IST1: variants seen among roughly 807,000 people sequenced by gnomAD.
IST1 encodes IST1 factor associated with ESCRT-III.
In IST1, 23 loss-of-function variants were observed where a neutral mutation model predicts 37.0. The ratio of observed to expected loss-of-function variants is 0.62; its 90% CI spans 0.45 to 0.88. IST1 has a LOEUF of 0.88. IST1 is among the 40% of genes least tolerant of loss of function. The pLI, the probability that IST1 is intolerant of heterozygous loss-of-function variation, is 0.00. For missense variants in IST1, 488 were observed against 445.4 expected (o/e 1.10, Z -0.86); for synonymous variants, 180 against 161.7 (o/e 1.11, Z -0.86).
intron 6 of IST1, chr16:71,921,774 C>T (rs956184306): frequency 1.5e-5 from 4 of 268,240 alleles, no homozygotes; most frequent in Non-Finnish European, 2.9e-5. Context: ...GTTCCCGAAA[C>T]ATTTATTGGG....
At chr16:71,924,510 G>C (rs2037689873) in intron 8 of IST1, 1 of 562,884 alleles carries the variant, frequency 1.8e-6, no homozygotes, top group African/African-American at 1.9e-5. Flanking sequence ...GCAATGGCTG[G>C]AGGCCAGGAA....
intron 1 of IST1, among the ~76,000 whole-genome samples, chr16:71,900,489 C>G (rs1336422458): frequency 3.3e-5 from 5 of 151,972 alleles, no homozygotes; most frequent in South Asian, 2.1e-4. Flanking sequence ...CATGGTTTTA[C>G]TTTGCTTATT....
intron 1 of IST1, among the ~76,000 whole-genome samples, chr16:71,896,545 A>G (rs2036975994): frequency 6.6e-6 from 1 of 152,162 alleles, no homozygotes; most frequent in South Asian, 2.1e-4. Context: ...CTAATTTAAT[A>G]ATAGTTGAAA....
chr16:71,916,826 C>G (rs1250405843), intron 3 of IST1, among the ~76,000 whole-genome samples, 184 bp downstream of exon 3: 2 of 152,166 alleles, frequency 1.3e-5, no homozygotes, highest in Admixed American at 6.5e-5. Context: ...TGAATCTTGG[C>G]TCGACCATTT....
At chr16:71,926,146 G>T (rs1334344886) in intron 9 of IST1, among the ~76,000 whole-genome samples, 2 of 151,810 alleles carry the variant, frequency 1.3e-5, no homozygotes, top group Non-Finnish European at 2.9e-5. Flanking sequence ...GCTGGGTGTG[G>T]TGGCAGGCGC....
rs2143033959 is a variant in IST1, at chr16:71,929,489, TAAG to T, written c.*1677_*1679del. 2.0e-6 allele frequency: 3 copies of T among 1,471,320 alleles called. No homozygotes were observed. Among genetic ancestry groups the T allele is most frequent in the East Asian group, 2.5e-5 (1 of 40,036 alleles). 91.1% of individuals were successfully genotyped at this position (1,471,320 alleles called of 1,614,324 possible). On this transcript the variant is annotated 3_prime_UTR_variant, in exon 10 of 10. Transcript: ENST00000378799. ...ATTTTAAAGCTATGCCATGCAAAGATAAGTAGTAATACGCTAATAAATACTAAG... is the reference window on the plus strand; with the variant it reads ...ATTTTAAAGCTATGCCATGCAAAGATTAGTAATACGCTAATAAATACTAAG...
chr16:71,924,162 G>T lies in IST1; in HGVS notation c.853-607G>T, dbSNP rs28542993. 6 of 455,906 alleles carry T rather than the reference G, an allele frequency of 1.3e-5. 1 individual carries two copies. The highest frequency in any genetic ancestry group is 2.6e-5 in the Non-Finnish European group (6 of 226,806). The allele number at this position is 455,906 out of a possible 1,614,324, so 28.2% of individuals were successfully genotyped here. ...TGCATGCGTCACATAACCCACAGCC[G>T]TTGGTAGGAATGAGGTCGAAAATCT... is the stretch of plus-strand genomic sequence containing the variant. On this transcript the variant is annotated intron_variant, in intron 8 of 9. Transcript: ENST00000378799.
At position 71,920,742 on chromosome 16, in the gene IST1, G is replaced by A. The variant is rs1426484203; in HGVS notation, c.361G>A (p.Ala121Thr). ...TTGCTGTCCTTTTTCTTTTTAGGTT[G>A]CTGATCAGCTCTGTGCCAAGTATAG... Reference protein sequence around the residue: ...QSEVAELKIVADQLCAKYSKE... With the variant: ...QSEVAELKIVTDQLCAKYSKE... The change falls in exon 5 of 10, where the codon GCT becomes ACT. Residue 121 changes from alanine to threonine, a missense_variant. Ala to Thr is a moderately conservative substitution (Grantham distance 58). Around this residue, in one of 2 missense-constraint regions of IST1, gnomAD observed 455 missense variants for 386.2 expected, o/e 1.18. Transcript: ENST00000378799. 6.2e-7 allele frequency: 1 copy of A among 1,612,588 alleles called. No homozygotes were observed. The highest frequency in any genetic ancestry group is 1.7e-5 in the Admixed American group (1 of 59,936).
intron 2 of IST1, among the ~76,000 whole-genome samples, 171 bp from the exon 3 acceptor site, chr16:71,916,291 C>T (rs1026088149): frequency 1.3e-5 from 2 of 152,170 alleles, no homozygotes; most frequent in African/African-American, 4.8e-5. Context: ...TATTTTCTCA[C>T]CTAGACAGAG....
rs985742543 is a variant in IST1 at position 71,930,339 on chromosome 16, T to G, written c.*2526T>G. On this transcript the variant is annotated 3_prime_UTR_variant, in exon 10 of 10. Transcript: ENST00000378799. ...AAAAGATAATAAGAAGGAAAATACT[T>G]TTAAATGGACAGAAGAGCAGGAATG... The G allele has an allele frequency of 2.9e-6, 2 of 681,996 alleles. No individual in the cohort carries two copies. Among genetic ancestry groups the G allele is most frequent in the African/African-American group, 3.6e-5 (2 of 55,268 alleles). The allele number at this position is 681,996 out of a possible 1,614,324, so 42.2% of individuals were successfully genotyped here.
At chr16:71,921,294 A>G in intron 5 of IST1, 49 bp from the exon 6 acceptor site, 1 of 1,091,614 alleles carries the variant, frequency 9.2e-7, no homozygotes, top group Non-Finnish European at 1.4e-6. Context: ...GGTGAGGATT[A>G]GGCTGGTTGG....
At chr16:71,918,832 G>T (rs992642550) in intron 4 of IST1, among the ~76,000 whole-genome samples, 1 of 152,180 alleles carries the variant, frequency 6.6e-6, no homozygotes, top group African/African-American at 2.4e-5. Context: ...AAATCTCTGT[G>T]TAGTATAAAC....
At chr16:71,926,981 A>G (rs1223714393) in intron 9 of IST1, among the ~76,000 whole-genome samples, 3 of 152,168 alleles carry the variant, frequency 2.0e-5, no homozygotes, top group African/African-American at 7.2e-5. Flanking sequence ...TTAAGGAAGC[A>G]GTGTTTGTTC....
At chr16:71,910,816 G>A (rs896100935) in intron 1 of IST1, among the ~76,000 whole-genome samples, 1 of 150,860 alleles carries the variant, frequency 6.6e-6, no homozygotes, top group African/African-American at 2.5e-5. Flanking sequence ...CATCAATTTG[G>A]AGTATAAAAG....
At chr16:71,911,108 G>T (rs1342391901) in intron 1 of IST1, among the ~76,000 whole-genome samples, 1 of 152,120 alleles carries the variant, frequency 6.6e-6, no homozygotes, top group East Asian at 1.9e-4. Flanking sequence ...AGGCGTGGTG[G>T]TGTGTGCCTA....
rs1040282907 is a variant in IST1 at position 71,920,952 on chromosome 16, G to A, written c.441+130G>A. 44 of 744,186 alleles carry A rather than the reference G, an allele frequency of 5.9e-5. No homozygotes were observed. In the African/African-American group the frequency reaches 7.2e-4, roughly 12 times the overall value. 46.1% of individuals were successfully genotyped at this position (744,186 alleles called of 1,614,324 possible). On this transcript the variant is annotated intron_variant, in intron 5 of 9. Transcript: ENST00000378799. ...TCACCTTTCATAGTGGGGTGAGGAGGACAGCTGTGTGGCTGGCAGTGTGGT... is the reference window on the plus strand; with the variant it reads ...TCACCTTTCATAGTGGGGTGAGGAGAACAGCTGTGTGGCTGGCAGTGTGGT...
chr16:71,894,807 A>C, upstream of IST1: 2 of 1,529,804 alleles, frequency 1.3e-6, no homozygotes, highest in Non-Finnish European at 1.8e-6. Context: ...AGTGCTGGGA[A>C]GGTCCCTTCC....
intron 8 of IST1, chr16:71,924,017 T>TA: frequency 2.3e-6 from 1 of 427,836 alleles, no homozygotes; most frequent in South Asian, 1.7e-5. Context: ...ATTTGCTATG[T>TA]AAATTACTCA....
chr16:71,900,809 C>T (rs1265044989), intron 1 of IST1, among the ~76,000 whole-genome samples: 1 of 152,076 alleles, frequency 6.6e-6, no homozygotes, highest in African/African-American at 2.4e-5. Flanking sequence ...TTGTGAGCCC[C>T]TTGAAGGCTA....
Sources: gnomAD v4.1 joint callset for allele counts (sites outside exome capture counted in the v4.1 genomes callset) on GRCh38, gnomAD v4.1.1 for gene constraint, gnomAD v4.1.1 regional missense constraint, MANE v1.5 for transcripts, NCBI Gene and HGNC (gene_info 2026-07-23, HGNC 2026-07-21) for gene names.